Variants in CLVS2 observed in about 807,000 individuals in gnomAD.
CLVS2 encodes the protein clavesin-2.
A neutral mutation model predicts 29.0 loss-of-function variants in CLVS2; 19 were observed. The observed-to-expected ratio is 0.66, with a 90% CI of 0.46 to 0.96. The LOEUF (loss-of-function observed/expected upper bound fraction) is 0.96, where lower values mean the gene tolerates loss of function less well. Ranked by LOEUF, CLVS2 falls within the 40% of genes least tolerant of loss-of-function variation. CLVS2 has a pLI of 0.00. For missense variants in CLVS2, 294 were observed against 404.1 expected (o/e 0.73, Z 2.34); for synonymous variants, 161 against 151.3 (o/e 1.06, Z -0.47).
intron 2 of CLVS2, among the ~76,000 whole-genome samples, chr6:123,008,001 G>C (rs1003996986): frequency 1.3e-5 from 2 of 152,070 alleles, no homozygotes; most frequent in Non-Finnish European, 2.9e-5. Flanking sequence ...AAAATTCATA[G>C]ATGCTACATT....
Position 122,998,106 on chromosome 6 carries a change from A to G in CLVS2, c.329A>G (p.Asn110Ser), listed in dbSNP as rs1168153983. The change falls in exon 2 of 6, where the codon AAT becomes AGT. Residue 110 changes from asparagine (N) to serine (S), a missense_variant. Physicochemically the swap from Asn to Ser is conservative, Grantham distance 46. Coordinates refer to ENST00000275162, the MANE Select transcript of CLVS2 (RefSeq NM_001010852.4). Reference protein sequence around the residue: ...LKDGFPGGLANLDHYGRKILV... With the variant: ...LKDGFPGGLASLDHYGRKILV... The stretch of plus-strand genomic sequence containing the variant: ...GATGGCTTCCCTGGGGGCCTGGCCA[A>G]TCTGGACCACTATGGCAGGAAGATT... 6.2e-7 allele frequency: 1 copy of G among 1,614,120 alleles called. No individual in the cohort carries two copies. Among genetic ancestry groups the G allele is most frequent in the Non-Finnish European group, 8.5e-7 (1 of 1,180,034 alleles).
chr6:123,046,658 C>CA lies in CLVS2; in HGVS notation c.565-1949dup, dbSNP rs34421196. ...TGGTAATAGGAGTGAAACTCAGTCT[C>CA]AAAAAAAAAAAAAAATAATAATAAT... On this transcript the variant is annotated intron_variant, in intron 3 of 5. Coordinates refer to ENST00000275162, the MANE Select transcript of CLVS2 (RefSeq NM_001010852.4). 3.4e-3 allele frequency among the ~76,000 whole-genome samples: 489 copies of CA among 144,208 alleles called. 4 individuals are homozygous for CA. The highest frequency in any genetic ancestry group is 7.8e-3 in the African/African-American group (305 of 39,116). The allele number at this position is 144,208 out of a possible 152,430, so 94.6% of individuals were successfully genotyped here.
intron 3 of CLVS2, among the ~76,000 whole-genome samples, chr6:123,042,933 A>G (rs1009789173): frequency 2.0e-5 from 3 of 152,158 alleles, no homozygotes; most frequent in Non-Finnish European, 4.4e-5. Flanking sequence ...ACACCCCCAA[A>G]AGTCATATTT....
At chr6:123,061,635 T>G (rs1197243896) in intron 5 of CLVS2, among the ~76,000 whole-genome samples, 5 of 152,222 alleles carry the variant, frequency 3.3e-5, no homozygotes, top group African/African-American at 1.2e-4. Flanking sequence ...AGAAACTTAA[T>G]CCCAGCTTGA....
At chr6:123,038,549 A>C (rs540937443) in intron 3 of CLVS2, among the ~76,000 whole-genome samples, 1 of 152,290 alleles carries the variant, frequency 6.6e-6, no homozygotes, top group African/African-American at 2.4e-5. Context: ...AACATTTGCA[A>C]AATTTAAAAT....
intron 2 of CLVS2, among the ~76,000 whole-genome samples, chr6:123,008,087 G>A (rs142017920): frequency 1.3e-5 from 2 of 152,294 alleles, no homozygotes; most frequent in Non-Finnish European, 2.9e-5. Context: ...CTGCTGAGCT[G>A]CTAATGGTAA....
intron 3 of CLVS2, among the ~76,000 whole-genome samples, chr6:123,036,075 T>G (rs1421599278): frequency 6.6e-6 from 1 of 152,126 alleles, no homozygotes; most frequent in Non-Finnish European, 1.5e-5. Context: ...CCAATTCCAT[T>G]GTAAAATTTG....
At chr6:123,045,000 T>G (rs931228956) in intron 3 of CLVS2, among the ~76,000 whole-genome samples, 1 of 152,140 alleles carries the variant, frequency 6.6e-6, no homozygotes, top group Non-Finnish European at 1.5e-5. Flanking sequence ...GCTGAATAAT[T>G]AACAGATATT....
intron 2 of CLVS2, among the ~76,000 whole-genome samples, chr6:123,010,327 A>G (rs1303554393): frequency 6.6e-6 from 1 of 152,058 alleles, no homozygotes; most frequent in African/African-American, 2.4e-5. Context: ...ACGTTTCAGG[A>G]ACTAACCTGC....
At chr6:123,028,376 A>T (rs1344237293) in intron 3 of CLVS2, among the ~76,000 whole-genome samples, 1 of 152,162 alleles carries the variant, frequency 6.6e-6, no homozygotes, top group African/African-American at 2.4e-5. Context: ...TGTACACATA[A>T]CTTCCAGGCA....
intron 3 of CLVS2, among the ~76,000 whole-genome samples, chr6:123,039,558 G>T (rs949758925): frequency 6.6e-6 from 1 of 152,122 alleles, no homozygotes; most frequent in Non-Finnish European, 1.5e-5. Context: ...GAATGACTTT[G>T]TGTCACATTC....
intron 3 of CLVS2, among the ~76,000 whole-genome samples, chr6:123,021,771 C>T (rs1422588087): frequency 6.6e-6 from 1 of 152,032 alleles, no homozygotes; most frequent in East Asian, 1.9e-4. Flanking sequence ...GGATGAGATG[C>T]CTTATTACAG....
intron 5 of CLVS2, among the ~76,000 whole-genome samples, chr6:123,062,194 A>C (rs905700588): frequency 6.6e-6 from 1 of 152,180 alleles, no homozygotes; most frequent in African/African-American, 2.4e-5. Context: ...AATTCATCTG[A>C]GAGCCAATTT....
In CLVS2 at chr6:123,046,905, C is replaced by T. The variant is rs183484351; in HGVS notation, c.565-1717C>T. ...TAAGCCAAGCACACACTAAAATCTA[C>T]AGGAGAAAAACAGGAGAGCAGGTGA... On this transcript the variant is annotated intron_variant, in intron 3 of 5. Transcript: ENST00000275162. 1.1e-4 allele frequency among the ~76,000 whole-genome samples: 16 copies of T among 152,128 alleles called. No homozygotes were observed. In the East Asian group the frequency reaches 3.1e-3, roughly 29 times the overall value.
In CLVS2 at chr6:123,052,728, T is replaced by A. The variant is rs903309745; in HGVS notation, c.676-3078T>A. Among the ~76,000 whole-genome samples the A allele has an allele frequency of 5.3e-5, 8 of 150,916 alleles. 1 individual carries two copies. The highest frequency in any genetic ancestry group is 2.0e-4 in the African/African-American group (8 of 40,730). ...AGTTGAAAGTTTTGGTCTGAGAAAGTGGAAGAATAGTGACACCATTAACTG... is the reference window on the plus strand; with the variant it reads ...AGTTGAAAGTTTTGGTCTGAGAAAGAGGAAGAATAGTGACACCATTAACTG... On this transcript the variant is annotated intron_variant, in intron 4 of 5. Transcript: ENST00000275162.
intron 2 of CLVS2, among the ~76,000 whole-genome samples, chr6:123,000,854 T>A (rs1002481197): frequency 6.6e-6 from 1 of 152,204 alleles, no homozygotes; most frequent in Non-Finnish European, 1.5e-5. Context: ...AGAAACAGTG[T>A]GTGAGAAGTG....
intron 3 of CLVS2, among the ~76,000 whole-genome samples, chr6:123,016,496 TTA>T (rs1176575122): frequency 6.6e-6 from 1 of 151,922 alleles, no homozygotes; most frequent in Non-Finnish European, 1.5e-5. Flanking sequence ...TGAGACATAT[TTA>T]TGTTTTTCTC....
chr6:123,012,480 T>C (rs1215781854), intron 3 of CLVS2, among the ~76,000 whole-genome samples: 1 of 151,492 alleles, frequency 6.6e-6, no homozygotes, highest in Admixed American at 6.6e-5. Context: ...AGAACTCATA[T>C]TTTTCTTTCC....
At chr6:123,032,229 T>A (rs554172412) in intron 3 of CLVS2, among the ~76,000 whole-genome samples, 29 of 152,186 alleles carry the variant, frequency 1.9e-4, no homozygotes, top group African/African-American at 7.0e-4. Flanking sequence ...CTTTTCCTAT[T>A]TGAAAATACT....
Sources: allele counts gnomAD v4.1 joint callset (sites outside exome capture counted in the v4.1 genomes callset), GRCh38; gene constraint gnomAD v4.1.1; transcripts MANE v1.5; gene names NCBI Gene and HGNC (gene_info 2026-07-23, HGNC 2026-07-21).